SLC23A2: variants seen among roughly 807,000 people sequenced by gnomAD.
SLC23A2 encodes solute carrier family 23 member 2.
A neutral mutation model predicts 73.3 loss-of-function variants in SLC23A2; 36 were observed. That is an observed-to-expected ratio of 0.49 (90% CI 0.38 to 0.65). The LOEUF (loss-of-function observed/expected upper bound fraction) is 0.65. SLC23A2 is among the 30% of genes least tolerant of loss of function. SLC23A2 has a pLI of 0.00. For synonymous variants in SLC23A2, 343 were observed against 327.3 expected (o/e 1.05, Z -0.52); for missense variants, 507 against 841.6 (o/e 0.60, Z 4.92).
chr20:4,871,633 G>A (rs550390765), intron 11 of SLC23A2, among the ~76,000 whole-genome samples: 1 of 152,286 alleles, frequency 6.6e-6, no homozygotes, highest in African/African-American at 2.4e-5. Context: ...GGGCAGAATT[G>A]CTCCTGCCTC....
chr20:4,952,886 G>C (rs932687277), intron 2 of SLC23A2, among the ~76,000 whole-genome samples: 3 of 152,006 alleles, frequency 2.0e-5, no homozygotes, highest in African/African-American at 7.3e-5. Flanking sequence ...AGCCAGGCGT[G>C]GTGGCATGTA....
rs564111512 is a variant in SLC23A2 at position 4,961,916 on chromosome 20, A to G, written c.-155+8877T>C. Among the ~76,000 whole-genome samples, 3 of 152,328 alleles carry G rather than the reference A, an allele frequency of 2.0e-5. No homozygotes were observed. The East Asian group carries it at 5.8e-4, about 29-fold the overall frequency. On this transcript the variant is annotated intron_variant, in intron 2 of 16. Transcript: ENST00000338244. ...GGACAGTTCCACACAGACCATCTGC[A>G]GTGATTGCCTCATAGCCTCTGTGGG... is the stretch of plus-strand genomic sequence containing the variant.
At chr20:4,958,697 G>A (rs2087331294) in intron 2 of SLC23A2, among the ~76,000 whole-genome samples, 1 of 151,728 alleles carries the variant, frequency 6.6e-6, no homozygotes, top group Non-Finnish European at 1.5e-5. Flanking sequence ...CAAATTGCTG[G>A]GATTATAGGT....
intron 3 of SLC23A2, among the ~76,000 whole-genome samples, chr20:4,925,930 G>A (rs962894830): frequency 7.2e-5 from 11 of 152,166 alleles, no homozygotes; most frequent in East Asian, 3.8e-4. Context: ...CACAGCACCC[G>A]TGCAGAATTC....
At chr20:4,994,717 C>G (rs1184392550) in intron 1 of SLC23A2, among the ~76,000 whole-genome samples, 1 of 151,992 alleles carries the variant, frequency 6.6e-6, no homozygotes, top group East Asian at 1.9e-4. Flanking sequence ...GCCGATATCG[C>G]ACCACTGCAC....
chr20:4,961,413 C>T (rs960792017), intron 2 of SLC23A2, among the ~76,000 whole-genome samples: 3 of 152,106 alleles, frequency 2.0e-5, no homozygotes, highest in Admixed American at 1.3e-4. Context: ...ATAAATTTTA[C>T]GCCCTCTTTA....
At chr20:4,942,374 CAAAA>C (rs1216270773) in intron 2 of SLC23A2, among the ~76,000 whole-genome samples, 11 of 47,394 alleles carry the variant, frequency 2.3e-4, no homozygotes, top group African/African-American at 6.8e-4. Context: ...GCTACAGTCT[CAAAA>C]AAAAAAAAAA....
chr20:4,992,698 CG>C (rs983075526), intron 1 of SLC23A2, among the ~76,000 whole-genome samples: 4 of 151,300 alleles, frequency 2.6e-5, no homozygotes, highest in African/African-American at 9.7e-5. Context: ...TTAGTAGAGA[CG>C]GGGTTTCTCC....
chr20:4,890,342 G>C (rs541712582), intron 6 of SLC23A2, among the ~76,000 whole-genome samples: 1 of 152,246 alleles, frequency 6.6e-6, no homozygotes, highest in East Asian at 1.9e-4. Context: ...CTAGGAGTGT[G>C]TGTACCAACT....
chr20:4,873,866 T>C, intron 11 of SLC23A2, 70 bp downstream of exon 11: 1 of 1,467,040 alleles, frequency 6.8e-7, no homozygotes, highest in Non-Finnish European at 9.3e-7. Flanking sequence ...ACGGCTGTTC[T>C]GCCAAATTCC....
intron 1 of SLC23A2, among the ~76,000 whole-genome samples, chr20:4,983,839 C>T (rs555789985): frequency 2.0e-5 from 3 of 151,298 alleles, no homozygotes; most frequent in South Asian, 2.1e-4. Context: ...GCCTGTAATC[C>T]CTGCTATTCG....
intron 6 of SLC23A2, among the ~76,000 whole-genome samples, chr20:4,889,622 C>T (rs1007355362): frequency 6.6e-6 from 1 of 151,380 alleles, no homozygotes. Context: ...ATCAGATCTC[C>T]GCCTGTGTCC....
At chr20:4,991,760 AC>A (rs2087928728) in intron 1 of SLC23A2, among the ~76,000 whole-genome samples, 3 of 149,818 alleles carry the variant, frequency 2.0e-5, no homozygotes, top group African/African-American at 7.4e-5. Context: ...ACACACACAC[AC>A]ACAAAAGTAA....
intron 3 of SLC23A2, among the ~76,000 whole-genome samples, chr20:4,927,178 G>T (rs544275319): frequency 1.3e-5 from 2 of 152,250 alleles, no homozygotes; most frequent in East Asian, 3.9e-4. Context: ...TGAATTTCAG[G>T]TTTTATTGAA....
In SLC23A2 at chr20:4,853,267, C is replaced by A. The variant is rs1433451006; in HGVS notation, c.*3705G>T. ...CTATAGCGAGTGTACACCCCATGCA[C>A]GGCCATCCCCCAGGATGCTGCTGCT... On this transcript the variant is annotated 3_prime_UTR_variant, in exon 17 of 17. Transcript: ENST00000338244. 1.3e-5 allele frequency: 2 copies of A among 152,540 alleles called. No homozygotes were observed. Among genetic ancestry groups the A allele is most frequent in the African/African-American group, 4.8e-5 (2 of 41,450 alleles). The allele number at this position is 152,540 out of a possible 1,614,324, so 9.4% of individuals were successfully genotyped here.
At chr20:4,926,332 C>T (rs1478688217) in intron 3 of SLC23A2, among the ~76,000 whole-genome samples, 1 of 152,138 alleles carries the variant, frequency 6.6e-6, no homozygotes, top group Non-Finnish European at 1.5e-5. Flanking sequence ...AAACAACAGG[C>T]TGTGTGTGTC....
At chr20:4,949,194 G>A (rs532888608) in intron 2 of SLC23A2, among the ~76,000 whole-genome samples, 78 of 151,544 alleles carry the variant, frequency 5.1e-4, no homozygotes, top group African/African-American at 1.8e-3. Context: ...AGTCTGAGGC[G>A]GGAGAGTTGC....
intron 3 of SLC23A2, among the ~76,000 whole-genome samples, chr20:4,919,290 C>T (rs957925357): frequency 1.3e-5 from 2 of 152,188 alleles, no homozygotes; most frequent in Non-Finnish European, 2.9e-5. Context: ...AGGATGGCTC[C>T]TGTAACTCCC....
At chr20:4,893,653 G>T (rs1478466180) in intron 6 of SLC23A2, among the ~76,000 whole-genome samples, 1 of 152,120 alleles carries the variant, frequency 6.6e-6, no homozygotes, top group African/African-American at 2.4e-5. Flanking sequence ...CTCTCCTTAG[G>T]GCAGACAATC....
Sources: gnomAD v4.1 joint callset for allele counts (sites outside exome capture counted in the v4.1 genomes callset) on GRCh38, gnomAD v4.1.1 for gene constraint, MANE v1.5 for transcripts, NCBI Gene and HGNC (gene_info 2026-07-23, HGNC 2026-07-21) for gene names.